The following SYT2 variants were observed in gnomAD, a reference collection of about 807,000 sequenced individuals.
SYT2 encodes the protein synaptotagmin-2.
A neutral mutation model predicts 39.9 loss-of-function variants in SYT2; 15 were observed. The ratio of observed to expected loss-of-function variants is 0.38; its 90% CI spans 0.25 to 0.58. The LOEUF (loss-of-function observed/expected upper bound fraction) is 0.58. SYT2 is among the 20% of genes least tolerant of loss of function. SYT2 has a pLI of 0.70. For synonymous variants in SYT2, 181 were observed against 204.5 expected (o/e 0.89, Z 0.98); for missense variants, 389 against 530.3 (o/e 0.73, Z 2.62).
intron 8 of SYT2, among the ~76,000 whole-genome samples, chr1:202,597,197 C>G (rs1164180090): frequency 1.3e-5 from 2 of 152,170 alleles, no homozygotes; most frequent in Non-Finnish European, 2.9e-5. Flanking sequence ...GCTCTAGACC[C>G]TGTTAAGCAC....
At chr1:202,621,468 A>G (rs1691200038) in intron 1 of SYT2, among the ~76,000 whole-genome samples, 1 of 152,026 alleles carries the variant, frequency 6.6e-6, no homozygotes, top group South Asian at 2.1e-4. Context: ...GGCTAGTTTT[A>G]AAGTTTTTCA....
At chr1:202,624,277 T>C (rs1302215388) in intron 1 of SYT2, among the ~76,000 whole-genome samples, 1 of 145,234 alleles carries the variant, frequency 6.9e-6, no homozygotes, top group African/African-American at 2.6e-5. Context: ...GACAGTGGGG[T>C]GTGTATATAT....
intron 2 of SYT2, among the ~76,000 whole-genome samples, 197 bp from the exon 3 acceptor site, chr1:202,604,818 C>CTTTTTTTTT (rs59944538): frequency 4.2e-5 from 3 of 71,682 alleles, no homozygotes; most frequent in African/African-American, 1.1e-4. Flanking sequence ...TCATGCCTTG[C>CTTTTTTTTT]TTTTTTTTTT....
chr1:202,600,637 A>G (rs1387757912), intron 6 of SYT2, among the ~76,000 whole-genome samples, 163 bp from the exon 7 acceptor site: 5 of 152,154 alleles, frequency 3.3e-5, no homozygotes, highest in Non-Finnish European at 5.9e-5. Context: ...CCAGCATCTG[A>G]CCTTGGGTCC....
At position 202,603,109 on chromosome 1, in the gene SYT2, C is replaced by G. The variant is rs138854819; in HGVS notation, c.355G>C (p.Asp119His). 6.2e-7 allele frequency: 1 copy of G among 1,614,092 alleles called. No individual in the cohort carries two copies. Among genetic ancestry groups the G allele is most frequent in the Admixed American group, 1.7e-5 (1 of 60,016 alleles). ...KDMKGGQDDD[D>H]AETGLTEGEG... ...CCCTCAGTCAGGCCTGTCTCTGCGT[C>G]GTCGTCATCCTGTGGGAGCTGGGGG... Residue 119 changes from aspartate to histidine, a missense_variant, in exon 4 of 9, where the codon GAC (aspartate) becomes CAC (histidine). By Grantham distance (81) the Asp-to-His change is moderately conservative. Around this residue, in one of 4 missense-constraint regions of SYT2, gnomAD observed 280 missense variants for 335.6 expected, o/e 0.83. Coordinates refer to ENST00000367268, the MANE Select transcript of SYT2 (RefSeq NM_177402.5).
chr1:202,666,127 TG>T (rs1692477889), intron 1 of SYT2, among the ~76,000 whole-genome samples: 1 of 131,356 alleles, frequency 7.6e-6, no homozygotes, highest in Admixed American at 9.2e-5. Context: ...CACTCCAGCC[TG>T]GGCGACAGAG....
rs1691262464 is a variant in SYT2, at chr1:202,623,628, C to T, written c.-17-17839G>A. 1.3e-5 allele frequency among the ~76,000 whole-genome samples: 2 copies of T among 152,232 alleles called. 1 individual carries two copies. The highest frequency in any genetic ancestry group is 4.1e-4 in the South Asian group (2 of 4,838). ...GGCTTGGGGACCAGCGGGCCCTGGG[C>T]TGCCTGGTGTAGGATACGGAAAGTG... On this transcript the variant is annotated intron_variant, in intron 1 of 8. Transcript: ENST00000367268. The surrounding 1 kb of genome is among the most constrained non-coding windows in gnomAD (Gnocchi z 4.2).
intron 1 of SYT2, among the ~76,000 whole-genome samples, chr1:202,637,324 C>T (rs1199792998): frequency 6.6e-6 from 1 of 152,170 alleles, no homozygotes; most frequent in South Asian, 2.1e-4. Flanking sequence ...TGCACTCCAG[C>T]CTGGGCGACA....
chr1:202,646,506 TG>T (rs1692085237), intron 1 of SYT2, among the ~76,000 whole-genome samples: 1 of 152,220 alleles, frequency 6.6e-6, no homozygotes, highest in Non-Finnish European at 1.5e-5. Flanking sequence ...CCGAGCCTAC[TG>T]GCCCGGAGTA....
chr1:202,603,461 G>A (rs1690591958), intron 3 of SYT2, among the ~76,000 whole-genome samples: 1 of 152,080 alleles, frequency 6.6e-6, no homozygotes, highest in South Asian at 2.1e-4. Flanking sequence ...TACTTCCCTT[G>A]TAAGCCCTCT....
At chr1:202,706,595 C>G (rs1211467155) in intron 1 of SYT2, among the ~76,000 whole-genome samples, 3 of 152,126 alleles carry the variant, frequency 2.0e-5, no homozygotes, top group Admixed American at 6.5e-5. Context: ...GTGGCAGAAC[C>G]AGGATGAACC....
At chr1:202,686,981 C>T (rs1558461735) in intron 1 of SYT2, among the ~76,000 whole-genome samples, 1 of 152,102 alleles carries the variant, frequency 6.6e-6, no homozygotes, top group Non-Finnish European at 1.5e-5. Context: ...CCTGACAGCT[C>T]CCCATGCTGA....
intron 1 of SYT2, among the ~76,000 whole-genome samples, chr1:202,683,257 G>A (rs551163186): frequency 8.5e-5 from 13 of 152,294 alleles, no homozygotes; most frequent in African/African-American, 2.4e-4. Context: ...AAGTATGTTC[G>A]CAGCAGCACT....
chr1:202,695,710 A>G (rs1014226065), intron 1 of SYT2, among the ~76,000 whole-genome samples: 5 of 152,218 alleles, frequency 3.3e-5, no homozygotes, highest in African/African-American at 1.2e-4. Flanking sequence ...CAACGTGAGG[A>G]GAAGAGATTC....
chr1:202,604,232 GTC>G, intron 3 of SYT2: 1 of 531,832 alleles, frequency 1.9e-6, no homozygotes, highest in Non-Finnish European at 3.3e-6. Context: ...CTCCTTCACT[GTC>G]TTTCCAGGGA....
intron 1 of SYT2, among the ~76,000 whole-genome samples, chr1:202,640,647 C>A (rs1691879476): frequency 6.6e-6 from 1 of 151,116 alleles, no homozygotes; most frequent in Non-Finnish European, 1.5e-5. Context: ...GAAGGGAGAA[C>A]CAAGGAAAAC....
At chr1:202,662,744 A>AC (rs1692406548) in intron 1 of SYT2, among the ~76,000 whole-genome samples, 1 of 152,220 alleles carries the variant, frequency 6.6e-6, no homozygotes, top group South Asian at 2.1e-4. Context: ...AGCCTTTACT[A>AC]TCTGAGTAGC....
chr1:202,686,878 T>C (rs1226965534), intron 1 of SYT2, among the ~76,000 whole-genome samples: 1 of 152,108 alleles, frequency 6.6e-6, no homozygotes, highest in Non-Finnish European at 1.5e-5. Flanking sequence ...AAACATGTTC[T>C]TCCCTTTGTG....
At position 202,639,491 on chromosome 1, in the gene SYT2, C is replaced by T; in HGVS notation, c.-17-33702G>A. The stretch of plus-strand genomic sequence containing the variant: ...CAGAGGGCTGGATGAGATGATCCCA[C>T]AGCCCCTTTCAGTGCCTCGTCCTGC... On this transcript the variant is annotated intron_variant, in intron 1 of 8. Coordinates refer to ENST00000367268, the MANE Select transcript of SYT2 (RefSeq NM_177402.5). The T allele has an allele frequency of 4.1e-6, 4 of 985,306 alleles. No homozygotes were observed. The South Asian group carries it at 1.9e-4, about 46-fold the overall frequency. 61.0% of individuals were successfully genotyped at this position (985,306 alleles called of 1,614,324 possible).
Sources: gnomAD v4.1 joint callset for allele counts (sites outside exome capture counted in the v4.1 genomes callset) on GRCh38, gnomAD v4.1.1 for gene constraint, gnomAD v4.1.1 regional missense constraint, Gnocchi (gnomAD v3.1) non-coding constraint, MANE v1.5 for transcripts, NCBI Gene and HGNC (gene_info 2026-07-23, HGNC 2026-07-21) for gene names.